NALF1: variants seen among roughly 807,000 people sequenced by gnomAD.
The protein encoded by NALF1 is family with sequence similarity 155 member A.
A neutral mutation model predicts 48.4 loss-of-function variants in NALF1; 3 were observed. That is an observed-to-expected ratio of 0.06 (90% CI 0.03 to 0.16). The LOEUF is 0.16. Among genes scored for constraint, NALF1 ranks in the 10% least tolerant of loss-of-function variants. The pLI, the probability that NALF1 is intolerant of heterozygous loss-of-function variation, is 1.00. For synonymous variants in NALF1, 262 were observed against 245.7 expected (o/e 1.07, Z -0.62); for missense variants, 526 against 571.5 (o/e 0.92, Z 0.81).
chr13:107,721,183 T>A (rs189341988), intron 1 of NALF1, among the ~76,000 whole-genome samples: 34 of 151,854 alleles, frequency 2.2e-4, no homozygotes, highest in African/African-American at 7.2e-4. Flanking sequence ...ATTTATGGAA[T>A]AGACATGAAG....
intron 1 of NALF1, among the ~76,000 whole-genome samples, chr13:107,863,991 A>G (rs1880645288): frequency 6.6e-6 from 1 of 152,198 alleles, no homozygotes; most frequent in African/African-American, 2.4e-5. Flanking sequence ...TACCACTCTT[A>G]AACACAACTA....
chr13:107,244,712 G>T (rs536483943), intron 1 of NALF1, among the ~76,000 whole-genome samples: 1 of 152,186 alleles, frequency 6.6e-6, no homozygotes, highest in South Asian at 2.1e-4. Context: ...CCATGTTTTT[G>T]AAAAGAAAAC....
chr13:107,217,831 C>T (rs1488731856), intron 1 of NALF1, among the ~76,000 whole-genome samples: 7 of 152,168 alleles, frequency 4.6e-5, no homozygotes, highest in African/African-American at 1.4e-4. Flanking sequence ...GGATATACCC[C>T]GTGGAGCCTA....
chr13:107,462,297 C>A (rs1468417211), intron 1 of NALF1, among the ~76,000 whole-genome samples: 2 of 151,546 alleles, frequency 1.3e-5, no homozygotes, highest in Non-Finnish European at 2.9e-5. Flanking sequence ...GCCTGGTTCT[C>A]TAAAATGAAA....
At chr13:107,693,334 G>GGGGGGGGGGGGGGGGGGA (rs535333019) in intron 1 of NALF1, among the ~76,000 whole-genome samples, 1 of 124,076 alleles carries the variant, frequency 8.1e-6, no homozygotes, top group Non-Finnish European at 1.7e-5. Flanking sequence ...AGGGTAGGGG[G>GGGGGGGGGGGGGGGGGGA]GGCGGGAGGG....
At chr13:107,178,827 C>T (rs1012436324) in intron 2 of NALF1, among the ~76,000 whole-genome samples, 4 of 152,010 alleles carry the variant, frequency 2.6e-5, no homozygotes, top group Non-Finnish European at 4.4e-5. Context: ...TGCCTGTAGT[C>T]GCAGCTACTC....
At chr13:107,793,845 GTT>G (rs559920669) in intron 1 of NALF1, among the ~76,000 whole-genome samples, 3 of 145,588 alleles carry the variant, frequency 2.1e-5, no homozygotes, top group African/African-American at 7.5e-5. Context: ...ATCACTAAAA[GTT>G]TTTTTTTTTT....
chr13:107,275,158 A>T (rs1194296707), intron 1 of NALF1, among the ~76,000 whole-genome samples: 4 of 152,162 alleles, frequency 2.6e-5, no homozygotes, highest in African/African-American at 9.7e-5. Context: ...GCCAGTGTCG[A>T]CCTTCTTTAA....
intron 1 of NALF1, among the ~76,000 whole-genome samples, chr13:107,856,830 G>A (rs557575518): frequency 5.3e-5 from 8 of 152,106 alleles, no homozygotes; most frequent in South Asian, 2.1e-4. Flanking sequence ...GGTGGTGGCC[G>A]ACAGCTCCCA....
rs143667146 is a variant in NALF1 at position 107,528,952 on chromosome 13, A to G, written c.916-318197T>C. Among the ~76,000 whole-genome samples, 299 of 152,294 alleles carry G rather than the reference A, an allele frequency of 2.0e-3. 2 individuals are homozygous for G. The highest frequency in any genetic ancestry group is 6.2e-3 in the African/African-American group (256 of 41,572). ...CTTTCTATCATGAACTGTTAGGTACATGGCCTCTGCCCATGAAACGTGTTC... is the reference window on the plus strand; with the variant it reads ...CTTTCTATCATGAACTGTTAGGTACGTGGCCTCTGCCCATGAAACGTGTTC... On this transcript the variant is annotated intron_variant, in intron 1 of 2. Transcript: ENST00000375915.
At chr13:107,226,468 T>G (rs918472111) in intron 1 of NALF1, among the ~76,000 whole-genome samples, 8 of 152,232 alleles carry the variant, frequency 5.3e-5, no homozygotes, top group African/African-American at 1.4e-4. Flanking sequence ...TTCTTTCACA[T>G]GGTATAAATG....
At chr13:107,830,524 C>T (rs1156273807) in intron 1 of NALF1, among the ~76,000 whole-genome samples, 1 of 152,158 alleles carries the variant, frequency 6.6e-6, no homozygotes, top group Non-Finnish European at 1.5e-5. Context: ...TTGGGTTTCC[C>T]TGATGATTAG....
intron 1 of NALF1, among the ~76,000 whole-genome samples, chr13:107,444,253 G>A (rs1681163054): frequency 6.6e-6 from 1 of 152,092 alleles, no homozygotes; most frequent in Non-Finnish European, 1.5e-5. Context: ...TTTCACAAAT[G>A]TTTTTACTAT....
In NALF1 at chr13:107,167,118, A is replaced by G. The variant is rs1307428104; in HGVS notation, c.*3379T>C. 8.5e-5 allele frequency: 13 copies of G among 152,256 alleles called. No individual in the cohort carries two copies. Among genetic ancestry groups the G allele is most frequent in the Admixed American group, 8.5e-4 (13 of 15,288 alleles). 9.4% of individuals were successfully genotyped at this position (152,256 alleles called of 1,614,324 possible). A position where few individuals can be genotyped will look rare whatever the true frequency, so the allele number is the denominator to read the frequency against. ...AGAAACTGAAATTTCTCTATTGCAG[A>G]TAAAAAGAATAATAAACAGGGAAAT... is the stretch of plus-strand genomic sequence containing the variant. On this transcript the variant is annotated 3_prime_UTR_variant, in exon 3 of 3. Transcript: ENST00000375915.
Position 107,340,094 on chromosome 13 carries a change from ATC to A in NALF1, c.916-129341_916-129340del, listed in dbSNP as rs528229723. ...TGCCCATTTCAAAGATGTAGGATTT[ATC>A]TGTGTCTCATGCTCAACTGTTATTC... On this transcript the variant is annotated intron_variant, in intron 1 of 2. Coordinates refer to ENST00000375915, the MANE Select transcript of NALF1 (RefSeq NM_001080396.3). 2.1e-3 allele frequency among the ~76,000 whole-genome samples: 321 copies of A among 152,002 alleles called. 1 individual carries two copies. Among genetic ancestry groups the A allele is most frequent in the African/African-American group, 7.1e-3 (295 of 41,448 alleles).
chr13:107,767,977 T>A (rs1446498534), intron 1 of NALF1, among the ~76,000 whole-genome samples: 2 of 152,152 alleles, frequency 1.3e-5, no homozygotes, highest in Non-Finnish European at 2.9e-5. Context: ...GGGCAGTCAA[T>A]CCACAGATTC....
intron 1 of NALF1, among the ~76,000 whole-genome samples, chr13:107,702,234 G>A (rs966884087): frequency 2.0e-5 from 3 of 147,880 alleles, no homozygotes; most frequent in African/African-American, 7.5e-5. Context: ...TAAACTTTCA[G>A]GACTTCTGGT....
rs886627297 is a variant in NALF1 at position 107,362,584 on chromosome 13, C to T, written c.916-151829G>A. ...TCAGACACCAGTCACACTGGATTAGCGCCCACCCTAATGACCTCATCTTAA... is the reference window on the plus strand; with the variant it reads ...TCAGACACCAGTCACACTGGATTAGTGCCCACCCTAATGACCTCATCTTAA... On this transcript the variant is annotated intron_variant, in intron 1 of 2. Coordinates refer to ENST00000375915, the MANE Select transcript of NALF1 (RefSeq NM_001080396.3). The surrounding 1 kb of genome is among the most constrained non-coding windows in gnomAD (Gnocchi z 4.6). Among the ~76,000 whole-genome samples, 9 of 152,112 alleles carry T rather than the reference C, an allele frequency of 5.9e-5. No homozygotes were observed. Among genetic ancestry groups the T allele is most frequent in the East Asian group, 3.9e-4 (2 of 5,176 alleles).
chr13:107,789,649 A>C (rs961978135), intron 1 of NALF1, among the ~76,000 whole-genome samples: 3 of 152,198 alleles, frequency 2.0e-5, no homozygotes, highest in African/African-American at 7.2e-5. Context: ...AAATGGAAGC[A>C]AACATTCTTT....
Sources: gnomAD v4.1 joint callset for allele counts (sites outside exome capture counted in the v4.1 genomes callset) on GRCh38, gnomAD v4.1.1 for gene constraint, Gnocchi (gnomAD v3.1) non-coding constraint, MANE v1.5 for transcripts, NCBI Gene and HGNC (gene_info 2026-07-23, HGNC 2026-07-21) for gene names.